The following SLC9C1 variants were observed in gnomAD, a reference collection of about 807,000 sequenced individuals.
SLC9C1 encodes solute carrier family 9 member C1.
Under a neutral mutation model 140.9 loss-of-function variants are expected in SLC9C1, and 97 were observed. The ratio of observed to expected loss-of-function variants is 0.69; its 90% CI spans 0.58 to 0.82. The LOEUF (loss-of-function observed/expected upper bound fraction) is 0.82, where lower values mean the gene tolerates loss of function less well. SLC9C1 is among the 40% of genes least tolerant of loss of function. The probability of loss-of-function intolerance (pLI) is 0.00; values close to 1 mark genes in which losing one functional copy is unlikely to be tolerated. For synonymous variants in SLC9C1, 440 were observed against 442.6 expected, an observed-to-expected ratio of 0.99 and a Z score of 0.07; for missense variants, 1,340 against 1,389.3, an observed-to-expected ratio of 0.96 and a Z score of 0.56.
chr3:112,251,999 T>C (rs958961374), intron 10 of SLC9C1, among the ~76,000 whole-genome samples: 6 of 152,342 alleles, frequency 3.9e-5, no homozygotes, highest in East Asian at 1.9e-4. Context: ...CAGGGCTCCA[T>C]ATGAGTGGCT....
chr3:112,209,903 T>C (rs1166620272), intron 15 of SLC9C1, among the ~76,000 whole-genome samples: 1 of 152,224 alleles, frequency 6.6e-6, no homozygotes, highest in Non-Finnish European at 1.5e-5. Flanking sequence ...ATGACAATGC[T>C]ACCCAAAGCA....
chr3:112,200,616 T>A (rs1483425814), intron 19 of SLC9C1, 95 bp downstream of exon 19: 1 of 1,102,584 alleles, frequency 9.1e-7, no homozygotes, highest in South Asian at 1.4e-5. Context: ...GTGAGTAGGT[T>A]TCCTCAAAGA....
At position 112,180,570 on chromosome 3, in the gene SLC9C1, C is replaced by T. The variant is rs1403906265; in HGVS notation, c.2742G>A (p.Met914Ile). The change falls in exon 22 of 29, where the codon ATG becomes ATA. Residue 914 changes from methionine to isoleucine, a missense_variant. Coordinates refer to ENST00000305815, the MANE Select transcript of SLC9C1 (RefSeq NM_183061.3). ...ACAAAAACCTCTGCCTTACCTTTAC[C>T]ATGCCTGAAATAATGATATAGATTC... Reference protein sequence around the residue: ...PKGIYIIISGMVKLEKSKPGL... With the variant: ...PKGIYIIISGIVKLEKSKPGL... 3.1e-6 allele frequency: 5 copies of T among 1,605,124 alleles called. No homozygotes were observed. The highest frequency in any genetic ancestry group is 3.5e-5 in the Admixed American group (2 of 57,686).
intron 25 of SLC9C1, 42 bp from the exon 26 acceptor site, chr3:112,167,389 C>A: frequency 3.9e-6 from 6 of 1,524,428 alleles, no homozygotes; most frequent in Non-Finnish European, 5.3e-6. Context: ...GAGCAAATAT[C>A]CTACAATTAA....
chr3:112,247,872 AGTGTGT>A (rs56782439), intron 10 of SLC9C1, among the ~76,000 whole-genome samples: 42,773 of 149,820 alleles, frequency 0.29, 6,137 homozygotes, highest in East Asian at 0.36. Context: ...TTTACTCTTG[AGTGTGT>A]GTGTGTGTGT....
At chr3:112,187,736 C>T (rs1168800305) in intron 20 of SLC9C1, among the ~76,000 whole-genome samples, 1 of 151,876 alleles carries the variant, frequency 6.6e-6, no homozygotes, top group Non-Finnish European at 1.5e-5. Context: ...CTTCATTTTC[C>T]TTCTTTCCTT....
rs201748763 is a variant in SLC9C1 at position 112,149,065 on chromosome 3, G to A, written c.3524+2792C>T. Among the ~76,000 whole-genome samples the A allele has an allele frequency of 2.6e-5, 4 of 152,132 alleles. No individual in the cohort carries two copies. The South Asian group carries it at 6.2e-4, about 24-fold the overall frequency. ...GCACAGGAGGGGTAGGGTGACTCAG[G>A]CTGCTGGCCCAAGGAAGCAGGTGCT... On this transcript the variant is annotated intron_variant, in intron 28 of 28. Coordinates refer to ENST00000305815, the MANE Select transcript of SLC9C1 (RefSeq NM_183061.3).
intron 16 of SLC9C1, 75 bp from the exon 17 acceptor site, chr3:112,204,478 A>G (rs927973763): frequency 6.9e-7 from 1 of 1,457,230 alleles, no homozygotes; most frequent in African/African-American, 1.5e-5. Context: ...AATAATTTAA[A>G]CATCATGTTA....
chr3:112,182,079 A>C (rs911930093), intron 21 of SLC9C1, 54 bp downstream of exon 21: 1 of 1,215,736 alleles, frequency 8.2e-7, no homozygotes, highest in African/African-American at 1.6e-5. Flanking sequence ...TCTTATTTTA[A>C]AGATTATTTG....
At chr3:112,145,867 G>A (rs550127305) in intron 28 of SLC9C1, among the ~76,000 whole-genome samples, 1 of 152,150 alleles carries the variant, frequency 6.6e-6, no homozygotes, top group Non-Finnish European at 1.5e-5. Context: ...TAAGTCTCAC[G>A]AGATCTGATG....
intron 15 of SLC9C1, among the ~76,000 whole-genome samples, chr3:112,210,068 A>G (rs1236033169): frequency 1.3e-5 from 2 of 152,252 alleles, no homozygotes; most frequent in Non-Finnish European, 1.5e-5. Context: ...ATACTTCCTG[A>G]TATCAAAATT....
intron 10 of SLC9C1, among the ~76,000 whole-genome samples, chr3:112,244,519 G>C (rs1451850264): frequency 6.6e-6 from 1 of 152,164 alleles, no homozygotes; most frequent in African/African-American, 2.4e-5. Context: ...CCTGGGAAAG[G>C]AGAACAACTC....
chr3:112,228,943 A>G, intron 13 of SLC9C1, among the ~76,000 whole-genome samples: 1 of 143,054 alleles, frequency 7.0e-6, no homozygotes, highest in East Asian at 2.2e-4. Flanking sequence ...CAATAGATGA[A>G]TGGATACAGA....
At chr3:112,184,513 G>A (rs1460111537) in intron 20 of SLC9C1, among the ~76,000 whole-genome samples, 5 of 150,972 alleles carry the variant, frequency 3.3e-5, no homozygotes, top group African/African-American at 1.2e-4. Context: ...GTGCTTGCCT[G>A]TAATCCCAGC....
chr3:112,151,816 G>A (rs2074988919), intron 28 of SLC9C1, 41 bp downstream of exon 28: 1 of 1,526,342 alleles, frequency 6.6e-7, no homozygotes, highest in African/African-American at 1.4e-5. Flanking sequence ...TCCAGGGACA[G>A]ATGTGCTCCT....
chr3:112,192,701 A>G (rs996865397), intron 20 of SLC9C1, among the ~76,000 whole-genome samples: 1 of 151,986 alleles, frequency 6.6e-6, no homozygotes, highest in Non-Finnish European at 1.5e-5. Flanking sequence ...CAGCTCTAGA[A>G]TTTCTGTCTG....
intron 10 of SLC9C1, among the ~76,000 whole-genome samples, chr3:112,253,148 T>G (rs2108264699): frequency 6.6e-6 from 1 of 152,308 alleles, no homozygotes; most frequent in Non-Finnish European, 1.5e-5. Context: ...TCCCGCATTC[T>G]GGACAATTGC....
intron 15 of SLC9C1, among the ~76,000 whole-genome samples, chr3:112,212,396 T>G (rs929194822): frequency 7.2e-5 from 11 of 152,104 alleles, no homozygotes; most frequent in Admixed American, 6.6e-4. Context: ...TTTCAGATGA[T>G]CAAACTTCTC....
intron 7 of SLC9C1, among the ~76,000 whole-genome samples, chr3:112,266,847 T>A (rs996925756): frequency 4.6e-5 from 7 of 152,252 alleles, no homozygotes; most frequent in African/African-American, 1.7e-4. Context: ...TACTTTGTAT[T>A]CTTGTGTTAT....
Sources: gnomAD v4.1 joint callset for allele counts (sites outside exome capture counted in the v4.1 genomes callset) on GRCh38, gnomAD v4.1.1 for gene constraint, MANE v1.5 for transcripts, NCBI Gene and HGNC (gene_info 2026-07-23, HGNC 2026-07-21) for gene names.